MYLK4: variants seen among roughly 807,000 people sequenced by gnomAD.
MYLK4 encodes caMLCK like.
A neutral mutation model predicts 48.1 loss-of-function variants in MYLK4; 46 were observed. The observed-to-expected ratio is 0.96, with a 90% CI of 0.75 to 1.22. The LOEUF (loss-of-function observed/expected upper bound fraction) is 1.22, where lower values mean the gene tolerates loss of function less well. Ranked by LOEUF, MYLK4 falls within the 50% of genes most tolerant of loss-of-function variation. The pLI is 0.00. For synonymous variants in MYLK4, 170 were observed against 180.8 expected (o/e 0.94, Z 0.48); for missense variants, 451 against 486.1 (o/e 0.93, Z 0.68).
the MYLK4 span, chr6:2,766,253 C>A: frequency 6.6e-7 from 1 of 1,523,184 alleles, no homozygotes; most frequent in Non-Finnish European, 8.8e-7. Flanking sequence ...CCCGCACCCC[C>A]GGGCGCTGGC....
intron 2 of MYLK4, among the ~76,000 whole-genome samples, chr6:2,715,368 T>C (rs187110253): frequency 7.2e-5 from 11 of 152,310 alleles, no homozygotes; most frequent in Non-Finnish European, 2.9e-5. Flanking sequence ...CTTAGCATCA[T>C]TGAATTGGAC....
chr6:2,694,484 A>G (rs1380228555), intron 2 of MYLK4, among the ~76,000 whole-genome samples: 7 of 2,202 alleles, frequency 3.2e-3, no homozygotes, highest in East Asian at 0.012. Context: ...TGATGATGGT[A>G]GTGGTCATGG....
intron 4 of MYLK4, among the ~76,000 whole-genome samples, chr6:2,686,366 A>G (rs928543614): frequency 6.6e-6 from 1 of 152,256 alleles, no homozygotes; most frequent in Non-Finnish European, 1.5e-5. Flanking sequence ...ACAATACTGC[A>G]TATACATCCA....
intron 3 of MYLK4, among the ~76,000 whole-genome samples, chr6:2,689,524 G>A (rs76209182): frequency 6.6e-6 from 1 of 152,126 alleles, no homozygotes; most frequent in African/African-American, 2.4e-5. Context: ...AATAAAACCA[G>A]GTAAGTGTGT....
chr6:2,694,920 G>C (rs1455774549), intron 2 of MYLK4, among the ~76,000 whole-genome samples: 2 of 152,156 alleles, frequency 1.3e-5, no homozygotes, highest in Middle Eastern at 3.4e-3. Flanking sequence ...AAAAAAGATA[G>C]AAAGACTATA....
At position 2,671,268 on chromosome 6, in the gene MYLK4, A is replaced by G. The variant is rs758847120; in HGVS notation, c.*25+8T>C. 9 of 1,606,380 alleles carry G rather than the reference A, an allele frequency of 5.6e-6. No individual in the cohort carries two copies. The African/African-American group carries it at 1.1e-4, about 19-fold the overall frequency. ...CACAGACACCTCTTCAGGAGACCCA[A>G]GACTAACCTTCCAAATGGCTGCCTC... On this transcript the variant is annotated splice_region_variant and intron_variant, in intron 12 of 12. Coordinates refer to ENST00000274643, the MANE Select transcript of MYLK4 (RefSeq NM_001012418.5).
intron 2 of MYLK4, among the ~76,000 whole-genome samples, chr6:2,706,042 G>T (rs1403701227): frequency 6.6e-6 from 1 of 152,100 alleles, no homozygotes; most frequent in Non-Finnish European, 1.5e-5. Context: ...TGCCAAAAGG[G>T]ATGACCGTCG....
chr6:2,764,210 G>A, the MYLK4 span, among the ~76,000 whole-genome samples: 2 of 152,118 alleles, frequency 1.3e-5, no homozygotes, highest in African/African-American at 4.8e-5. Flanking sequence ...TTTCTCTAGC[G>A]TTTCTATTAA....
chr6:2,700,579 A>G (rs1280860872), intron 2 of MYLK4, among the ~76,000 whole-genome samples: 1 of 152,088 alleles, frequency 6.6e-6, no homozygotes, highest in African/African-American at 2.4e-5. Flanking sequence ...TATCTAGCAA[A>G]CCACTGCCTC....
intron 2 of MYLK4, among the ~76,000 whole-genome samples, chr6:2,720,234 C>G (rs1763021438): frequency 6.6e-6 from 1 of 152,046 alleles, no homozygotes; most frequent in Non-Finnish European, 1.5e-5. Flanking sequence ...GAAACCCCAT[C>G]TCTACTAAAA....
chr6:2,679,224 C>T (rs1761202698), intron 9 of MYLK4, 56 bp downstream of exon 9: 1 of 1,605,050 alleles, frequency 6.2e-7, no homozygotes, highest in Non-Finnish European at 8.5e-7. Context: ...ACGGCAAAAC[C>T]TCAGAAAATA....
intron 8 of MYLK4, 80 bp downstream of exon 8, chr6:2,680,141 A>G (rs1328944300): frequency 6.8e-7 from 1 of 1,466,938 alleles, no homozygotes; most frequent in African/African-American, 1.4e-5. Context: ...CAAAGAGCAG[A>G]TCAGATATAT....
At chr6:2,668,943 C>CTTTT (rs1313636508) in intron 12 of MYLK4, among the ~76,000 whole-genome samples, 1 of 152,034 alleles carries the variant, frequency 6.6e-6, no homozygotes, top group Non-Finnish European at 1.5e-5. Flanking sequence ...TGGTGAAAGC[C>CTTTT]TTTTCTCCCA....
chr6:2,765,132 T>C, the MYLK4 span, among the ~76,000 whole-genome samples: 1 of 148,098 alleles, frequency 6.8e-6, no homozygotes, highest in African/African-American at 2.5e-5. Flanking sequence ...GGCGGAGGGC[T>C]GCGTCCGCCA....
intron 2 of MYLK4, among the ~76,000 whole-genome samples, chr6:2,725,593 A>AAGAAAGAAAGAAAGAAAGAAAAAGAAAG (rs1561868230): frequency 2.1e-4 from 30 of 143,518 alleles, no homozygotes; most frequent in African/African-American, 8.2e-4. Flanking sequence ...AAGAGAAAGA[A>AAGAAAGAAAGAAAGAAAGAAAAAGAAAG]AGAAAGAAAG....
intron 10 of MYLK4, among the ~76,000 whole-genome samples, chr6:2,677,320 C>T (rs188388455): frequency 7.9e-5 from 12 of 152,290 alleles, no homozygotes; most frequent in Non-Finnish European, 1.0e-4. Context: ...GTGTGCCAGA[C>T]CCACTGCCCA....
intron 2 of MYLK4, among the ~76,000 whole-genome samples, chr6:2,736,525 T>C (rs913476056): frequency 2.6e-5 from 4 of 152,246 alleles, no homozygotes; most frequent in Non-Finnish European, 4.4e-5. Context: ...TAAGAGAATA[T>C]TGATCATGCA....
intron 12 of MYLK4, 29 bp downstream of exon 12, chr6:2,671,247 G>C: frequency 6.8e-7 from 1 of 1,474,752 alleles, no homozygotes; most frequent in Non-Finnish European, 9.5e-7. Flanking sequence ...GGCCTTCACA[G>C]ACACCTCTTC....
the MYLK4 span, among the ~76,000 whole-genome samples, chr6:2,767,692 A>ATGGATAATCAGCTGT: frequency 4.6e-5 from 7 of 152,234 alleles, no homozygotes; most frequent in Non-Finnish European, 8.8e-5. Flanking sequence ...GATCATGAGA[A>ATGGATAATCAGCTGT]TGGATAATCA....
Sources: gnomAD v4.1 joint callset for allele counts (sites outside exome capture counted in the v4.1 genomes callset) on GRCh38, gnomAD v4.1.1 for gene constraint, MANE v1.5 for transcripts, NCBI Gene and HGNC (gene_info 2026-07-23, HGNC 2026-07-21) for gene names.